The following TACC2 variants were observed in gnomAD, a reference collection of about 807,000 sequenced individuals.
The protein encoded by TACC2 is transforming acidic coiled-coil-containing protein 2.
TACC2 carries 137 observed loss-of-function variants against 227.3 expected under a neutral mutation model. That is an observed-to-expected ratio of 0.60 (90% CI 0.52 to 0.69). The LOEUF is 0.69. Among genes scored for constraint, TACC2 ranks in the 30% least tolerant of loss-of-function variants. TACC2 has a pLI of 0.00. For synonymous variants in TACC2, 1,523 were observed against 1,487.5 expected, an observed-to-expected ratio of 1.02 and a Z score of -0.55; for missense variants, 3,470 against 3,694.4, an observed-to-expected ratio of 0.94 and a Z score of 1.57.
chr10:122,241,867 C>A, intron 18 of TACC2, 91 bp from the exon 19 acceptor site: 2 of 1,257,296 alleles, frequency 1.6e-6, no homozygotes, highest in Non-Finnish European at 2.3e-6. Flanking sequence ...TGGGGCCCTG[C>A]TGGACATGGG....
At chr10:122,149,276 G>A (rs964546267) in intron 7 of TACC2, among the ~76,000 whole-genome samples, 9 of 152,214 alleles carry the variant, frequency 5.9e-5, no homozygotes, top group South Asian at 2.1e-4. Context: ...TGTCCCCTAG[G>A]AATTGGTGAC....
chr10:122,225,751 C>T lies in TACC2; in HGVS notation c.7609-615C>T, dbSNP rs980110177. On this transcript the variant is annotated intron_variant, in intron 12 of 22. Coordinates refer to ENST00000369005, the MANE Select transcript of TACC2 (RefSeq NM_206862.4). ...CGTTGGCAGGCCTCGCGGATGAATT[C>T]GTGAGGAGCATGCCCTGCTCAGGAA... 1.1e-4 allele frequency among the ~76,000 whole-genome samples: 16 copies of T among 152,298 alleles called. No homozygotes were observed. In the East Asian group the frequency reaches 1.4e-3, roughly 13 times the overall value.
chr10:122,169,548 T>G (rs1410954273), intron 7 of TACC2, among the ~76,000 whole-genome samples: 1 of 152,210 alleles, frequency 6.6e-6, no homozygotes, highest in Non-Finnish European at 1.5e-5. Context: ...GAGTTTTAGT[T>G]GTAAAAACAG....
intron 6 of TACC2, among the ~76,000 whole-genome samples, chr10:122,140,267 G>C (rs909255871): frequency 1.3e-5 from 2 of 152,218 alleles, no homozygotes; most frequent in Non-Finnish European, 2.9e-5. Context: ...GGCTTAGCAG[G>C]AAAGAACGCC....
chr10:122,174,978 T>A (rs967529395), intron 7 of TACC2, among the ~76,000 whole-genome samples: 4 of 152,244 alleles, frequency 2.6e-5, no homozygotes, highest in Non-Finnish European at 5.9e-5. Flanking sequence ...AAATTTTATT[T>A]ACTTATTTTG....
chr10:122,061,014 AAAAAAGG>A (rs2076736245), intron 3 of TACC2, among the ~76,000 whole-genome samples: 1 of 47,042 alleles, frequency 2.1e-5, no homozygotes, highest in Admixed American at 2.1e-4. Flanking sequence ...AAAAAAAAAA[AAAAAAGG>A]GGGGGGGGCC....
chr10:122,037,777 G>A (rs1960870832), intron 2 of TACC2, among the ~76,000 whole-genome samples: 1 of 152,160 alleles, frequency 6.6e-6, no homozygotes, highest in African/African-American at 2.4e-5. Flanking sequence ...TCTTTCTCTT[G>A]TACACAATGA....
rs774912294 is a variant in TACC2, at chr10:122,211,192, C to T, written c.6767C>T (p.Ser2256Phe). 6.2e-7 allele frequency: 1 copy of T among 1,613,666 alleles called. No homozygotes were observed. Among genetic ancestry groups the T allele is most frequent in the South Asian group, 1.1e-5 (1 of 90,996 alleles). ...TPSDSGGQED[S>F]PAKGLSVRLE... ...TCGGATAGCGGGGGGCAAGAGGACT[C>T]TCCAGCCAAAGGGCTCTCCGTAAGG... Residue 2256 changes from serine to phenylalanine, a missense_variant, in exon 9 of 23, where the codon TCT becomes TTT. By Grantham distance (155) the Ser-to-Phe change is radical. Transcript: ENST00000369005.
At chr10:122,206,941 C>A (rs976844915) in intron 8 of TACC2, among the ~76,000 whole-genome samples, 1 of 152,180 alleles carries the variant, frequency 6.6e-6, no homozygotes, top group East Asian at 1.9e-4. Flanking sequence ...ATGAATCACA[C>A]AGTTGATTGT....
intron 15 of TACC2, 128 bp downstream of exon 15, chr10:122,229,614 T>A (rs1438823168): frequency 1.9e-6 from 2 of 1,058,302 alleles, no homozygotes; most frequent in Non-Finnish European, 2.8e-6. Context: ...GTGACATATC[T>A]TCCCCTCAAA....
intron 1 of TACC2, among the ~76,000 whole-genome samples, chr10:122,011,282 GA>G (rs1955892355): frequency 6.6e-6 from 1 of 152,140 alleles, no homozygotes; most frequent in South Asian, 2.1e-4. Context: ...GGAGAAAGGA[GA>G]TAGCTCTGCA....
At chr10:122,017,548 G>A (rs1956814599) in intron 1 of TACC2, among the ~76,000 whole-genome samples, 1 of 152,136 alleles carries the variant, frequency 6.6e-6, no homozygotes, top group African/African-American at 2.4e-5. Context: ...CAGGCATAGT[G>A]GCTTATGCCT....
Position 122,087,600 on chromosome 10 carries a change from C to T in TACC2, c.5100C>T (p.Gly1700=), listed in dbSNP as rs141796876. 1.9e-4 allele frequency: 300 copies of T among 1,613,636 alleles called. No homozygotes were observed. In the African/African-American group the frequency reaches 3.4e-3, roughly 18 times the overall value. ...CCCTGGAGCCTGGCAAGGTGGCAGG[C>T]GCTGCTGGGGAAGCAGAGGGTGACA... is the stretch of plus-strand genomic sequence containing the variant. ...DTPLEPGKVA[G]AAGEAEGDIT... Residue 1700 remains glycine (G), a synonymous_variant, in exon 4 of 23, where the codon GGC becomes GGT. Transcript: ENST00000369005.
chr10:122,116,779 A>G (rs1302382014), intron 5 of TACC2, among the ~76,000 whole-genome samples: 1 of 152,172 alleles, frequency 6.6e-6, no homozygotes, highest in Non-Finnish European at 1.5e-5. Flanking sequence ...AAACCAGGAG[A>G]CATACTATGA....
At chr10:122,216,974 G>T in intron 11 of TACC2, 146 bp downstream of exon 11, 2 of 1,481,728 alleles carry the variant, frequency 1.3e-6, no homozygotes, top group Non-Finnish European at 1.8e-6. Context: ...CGCTGCACTT[G>T]CAGCTCAGGC....
intron 5 of TACC2, among the ~76,000 whole-genome samples, chr10:122,123,521 A>C (rs975211521): frequency 6.6e-6 from 1 of 152,188 alleles, no homozygotes; most frequent in Non-Finnish European, 1.5e-5. Flanking sequence ...GAGGAATGCC[A>C]AGGGTGGCTC....
At chr10:122,096,463 G>A (rs975077700) in intron 5 of TACC2, among the ~76,000 whole-genome samples, 11 of 152,262 alleles carry the variant, frequency 7.2e-5, no homozygotes, top group South Asian at 2.1e-4. Context: ...TTGGGAGGCC[G>A]AGGCTGGTGG....
Position 122,186,320 on chromosome 10 carries a change from C to T in TACC2, c.5835-8720C>T, listed in dbSNP as rs555215201. Reference sequence around the variant, plus strand: ...CCTATAATCCCAGCATTTTGGGAGACCGAGGCAGGAGGGTCGTTTGAGACC... The same window carrying T: ...CCTATAATCCCAGCATTTTGGGAGATCGAGGCAGGAGGGTCGTTTGAGACC... On this transcript the variant is annotated intron_variant, in intron 7 of 22. Transcript: ENST00000369005. Among the ~76,000 whole-genome samples the T allele has an allele frequency of 3.3e-5, 5 of 152,042 alleles. No homozygotes were observed. In the East Asian group the frequency reaches 7.8e-4, roughly 24 times the overall value.
At chr10:122,221,550 G>A (rs369035827) in intron 11 of TACC2, among the ~76,000 whole-genome samples, 6 of 152,222 alleles carry the variant, frequency 3.9e-5, no homozygotes, top group South Asian at 4.2e-4. Flanking sequence ...GGCAGGCGCC[G>A]TCTCTGTCAC....
Sources: gnomAD v4.1 joint callset for allele counts (sites outside exome capture counted in the v4.1 genomes callset) on GRCh38, gnomAD v4.1.1 for gene constraint, MANE v1.5 for transcripts, NCBI Gene and HGNC (gene_info 2026-07-23, HGNC 2026-07-21) for gene names.